ISG20: variants seen among roughly 807,000 people sequenced by gnomAD.
ISG20 encodes the protein interferon stimulated exonuclease gene 20.
In ISG20, 8 loss-of-function variants were observed where a neutral mutation model predicts 11.1. The observed-to-expected ratio is 0.72, with a 90% CI of 0.42 to 1.30. The LOEUF (loss-of-function observed/expected upper bound fraction) is 1.30, where lower values mean the gene tolerates loss of function less well. Ranked by LOEUF, ISG20 falls within the 50% of genes most tolerant of loss-of-function variation. The pLI, the probability that ISG20 is intolerant of heterozygous loss-of-function variation, is 0.01. For synonymous variants in ISG20, 110 were observed against 101.7 expected (o/e 1.08, Z -0.49); for missense variants, 243 against 250.2 (o/e 0.97, Z 0.19).
chr15:88,641,505 C>T (rs943302327), intron 2 of ISG20, among the ~76,000 whole-genome samples: 4 of 152,204 alleles, frequency 2.6e-5, no homozygotes, highest in Non-Finnish European at 4.4e-5. Flanking sequence ...TTCCCTGCCC[C>T]TCTCCCAGAT....
In ISG20 at chr15:88,650,063, G is replaced by A; in HGVS notation, c.229-2047G>A. The A allele has an allele frequency of 1.6e-6, 1 of 608,462 alleles. No homozygotes were observed. Among genetic ancestry groups the A allele is most frequent in the East Asian group, 2.9e-5 (1 of 35,078 alleles). 37.7% of individuals were successfully genotyped at this position (608,462 alleles called of 1,614,324 possible). On this transcript the variant is annotated intron_variant, in intron 2 of 3. Coordinates refer to ENST00000306072, the MANE Select transcript of ISG20 (RefSeq NM_002201.6). The surrounding 1 kb of genome is among the most constrained non-coding windows in gnomAD (Gnocchi z 4.0). ...GCTGGCTATCTAGAAGGAGAAGCAG[G>A]CTACGGGGAAGGTGTTAGGCACCAG...
At position 88,655,467 on chromosome 15, in the gene ISG20, T is replaced by C. The variant is rs1301123205; in HGVS notation, c.482T>C (p.Leu161Pro). The C allele has an allele frequency of 2.5e-6, 4 of 1,613,906 alleles. No homozygotes were observed. The highest frequency in any genetic ancestry group is 3.4e-6 in the Non-Finnish European group (4 of 1,179,976). The change falls in exon 4 of 4, where the codon CTC (leucine) becomes CCC (proline). Residue 161 changes from leucine to proline, a missense_variant. By Grantham distance (98) the Leu-to-Pro change is moderately conservative. Transcript: ENST00000306072. Reference sequence around the variant, plus strand: ...GAAGATGCGAGGGCAACGATGGAGCTCTATCAAATCTCCCAGAGAATCCGA... The same window carrying C: ...GAAGATGCGAGGGCAACGATGGAGCCCTATCAAATCTCCCAGAGAATCCGA... ...SVEDARATME[L>P]YQISQRIRAR...
At chr15:88,641,195 C>T (rs537357957) in intron 2 of ISG20, among the ~76,000 whole-genome samples, 3 of 152,170 alleles carry the variant, frequency 2.0e-5, no homozygotes, top group South Asian at 4.1e-4. Context: ...GGGGCTTCAC[C>T]ATGTTGGCCA....
At chr15:88,646,266 C>T (rs181847676) in intron 2 of ISG20, among the ~76,000 whole-genome samples, 27 of 152,284 alleles carry the variant, frequency 1.8e-4, no homozygotes, top group Admixed American at 8.5e-4. Flanking sequence ...ATTCTGAGCA[C>T]GTTTCATACT....
At position 88,650,209 on chromosome 15, in the gene ISG20, A is replaced by C; in HGVS notation, c.229-1901A>C. 1.2e-4 allele frequency: 189 copies of C among 1,519,914 alleles called. No homozygotes were observed. The highest frequency in any genetic ancestry group is 1.5e-4 in the Non-Finnish European group (167 of 1,132,652). The allele number at this position is 1,519,914 out of a possible 1,614,324, so 94.2% of individuals were successfully genotyped here. On this transcript the variant is annotated intron_variant, in intron 2 of 3. Transcript: ENST00000306072. This position sits in a 1 kb window ranked among gnomAD's most constrained non-coding sequence, Gnocchi z 4.0. ...GCCACGAGCCGCCCCTTTCCCTAAT[A>C]GAGCTCACATCTGTTCTATTTTCAG...
intron 2 of ISG20, among the ~76,000 whole-genome samples, chr15:88,645,505 G>A (rs1404220334): frequency 6.6e-6 from 1 of 152,036 alleles, no homozygotes; most frequent in Non-Finnish European, 1.5e-5. Flanking sequence ...CCCTAAACCT[G>A]GCTCAGATCA....
chr15:88,651,714 A>T (rs1441497357), intron 2 of ISG20: 1 of 909,700 alleles, frequency 1.1e-6, no homozygotes, highest in African/African-American at 1.8e-5. Context: ...GCATTCACAG[A>T]TCCTGGGGAC....
chr15:88,638,443 A>G (rs1397141280), upstream of ISG20, among the ~76,000 whole-genome samples: 2 of 152,122 alleles, frequency 1.3e-5, no homozygotes, highest in Non-Finnish European at 2.9e-5. Flanking sequence ...AGTCAGCCCC[A>G]CTGGAGGCAG....
chr15:88,646,699 G>A (rs919202615), intron 2 of ISG20, among the ~76,000 whole-genome samples: 1 of 152,226 alleles, frequency 6.6e-6, no homozygotes, highest in South Asian at 2.1e-4. Flanking sequence ...GCCCTTTTAT[G>A]AGATCCCACA....
At chr15:88,636,565 T>A (rs957976851), upstream of ISG20, among the ~76,000 whole-genome samples, 2 of 152,204 alleles carry the variant, frequency 1.3e-5, no homozygotes, top group Non-Finnish European at 2.9e-5. Flanking sequence ...TTTTAGTTTT[T>A]AAAGACAAGG....
chr15:88,647,983 A>G (rs946755072), intron 2 of ISG20: 2 of 152,224 alleles, frequency 1.3e-5, no homozygotes, highest in Admixed American at 1.3e-4. Context: ...GAAGGCTTCA[A>G]TATCCAGATT....
Position 88,650,500 on chromosome 15 carries a change from T to C in ISG20, c.229-1610T>C. ...TAACTAGCCGTGTGACTGTCCCAGT[T>C]ATCAAATGGTGCTTGGCAAATCACA... On this transcript the variant is annotated intron_variant, in intron 2 of 3. Coordinates refer to ENST00000306072, the MANE Select transcript of ISG20 (RefSeq NM_002201.6). The surrounding 1 kb of genome is among the most constrained non-coding windows in gnomAD (Gnocchi z 4.0). The C allele has an allele frequency of 1.4e-6, 2 of 1,392,494 alleles. No homozygotes were observed. Among genetic ancestry groups the C allele is most frequent in the Non-Finnish European group, 1.9e-6 (2 of 1,064,678 alleles). 86.3% of individuals were successfully genotyped at this position (1,392,494 alleles called of 1,614,324 possible). A position where few individuals can be genotyped will look rare whatever the true frequency, so the allele number is the denominator to read the frequency against.
intron 3 of ISG20, among the ~76,000 whole-genome samples, chr15:88,652,988 A>C (rs56741406): frequency 6.6e-6 from 1 of 151,774 alleles, no homozygotes; most frequent in African/African-American, 2.4e-5. Context: ...CTGGTGGGCA[A>C]AGCAGGCAGG....
At chr15:88,638,138 T>A (rs892735302), upstream of ISG20, among the ~76,000 whole-genome samples, 1 of 152,158 alleles carries the variant, frequency 6.6e-6, no homozygotes, top group Non-Finnish European at 1.5e-5. Context: ...GCAGTCAGAT[T>A]GGAGGGATCA....
At chr15:88,642,617 A>AC (rs1360388331) in intron 2 of ISG20, among the ~76,000 whole-genome samples, 4 of 120,044 alleles carry the variant, frequency 3.3e-5, no homozygotes, top group Non-Finnish European at 5.8e-5. Flanking sequence ...TCCACACTGG[A>AC]TTTTTTGTTG....
At chr15:88,648,654 C>G (rs578004059) in intron 2 of ISG20, 1 of 152,362 alleles carries the variant, frequency 6.6e-6, no homozygotes, top group African/African-American at 2.4e-5. Flanking sequence ...TCAGGTGGAT[C>G]CAGACACGGC....
intron 2 of ISG20, chr15:88,649,560 A>C (rs1429313944): frequency 6.5e-6 from 1 of 152,700 alleles, no homozygotes; most frequent in African/African-American, 2.4e-5. Context: ...TGTTAGCAAG[A>C]AAAGACACAT....
chr15:88,650,373 C>G lies in ISG20; in HGVS notation c.229-1737C>G. 1 of 1,532,040 alleles carries G rather than the reference C, an allele frequency of 6.5e-7. No individual in the cohort carries two copies. Among genetic ancestry groups the G allele is most frequent in the South Asian group, 1.2e-5 (1 of 83,584 alleles). 94.9% of individuals were successfully genotyped at this position (1,532,040 alleles called of 1,614,324 possible). ...GGGCAGTCACAGCTGGGCGCCTGGG[C>G]TGCTGGAGGCCTGGAGTGGTCGTTC... On this transcript the variant is annotated intron_variant, in intron 2 of 3. Transcript: ENST00000306072. This position sits in a 1 kb window ranked among gnomAD's most constrained non-coding sequence, Gnocchi z 4.0.
At position 88,650,195 on chromosome 15, in the gene ISG20, C is replaced by T; in HGVS notation, c.229-1915C>T. On this transcript the variant is annotated intron_variant, in intron 2 of 3. Transcript: ENST00000306072. This position sits in a 1 kb window ranked among gnomAD's most constrained non-coding sequence, Gnocchi z 4.0. ...GTGGGCCTGGACTAGCCACGAGCCG[C>T]CCCTTTCCCTAATAGAGCTCACATC... 1 of 1,515,318 alleles carries T rather than the reference C, an allele frequency of 6.6e-7. No individual in the cohort carries two copies. The highest frequency in any genetic ancestry group is 8.9e-7 in the Non-Finnish European group (1 of 1,128,462). The allele number at this position is 1,515,318 out of a possible 1,614,324, so 93.9% of individuals were successfully genotyped here. A position where few individuals can be genotyped will look rare whatever the true frequency, so the allele number is the denominator to read the frequency against.
Sources: gnomAD v4.1 joint callset for allele counts (sites outside exome capture counted in the v4.1 genomes callset) on GRCh38, gnomAD v4.1.1 for gene constraint, Gnocchi (gnomAD v3.1) non-coding constraint, MANE v1.5 for transcripts, NCBI Gene and HGNC (gene_info 2026-07-23, HGNC 2026-07-21) for gene names.